Variants in PAK2 observed in about 807,000 individuals in gnomAD.
PAK2 encodes p21 (RAC1) activated kinase 2, also known as serine/threonine-protein kinase PAK 2.
A neutral mutation model predicts 65.9 loss-of-function variants in PAK2; 21 were observed. That is an observed-to-expected ratio of 0.32 (90% confidence interval 0.23 to 0.46). The LOEUF (loss-of-function observed/expected upper bound fraction) is 0.46, where lower values mean the gene tolerates loss of function less well. Ranked by LOEUF, PAK2 falls within the 20% of genes least tolerant of loss-of-function variation. The probability of loss-of-function intolerance (pLI) is 1.00; values close to 1 mark genes in which losing one functional copy is unlikely to be tolerated. For synonymous variants in PAK2, 204 were observed against 219.7 expected, an observed-to-expected ratio of 0.93 and a Z score of 0.63; for missense variants, 324 against 642.6, an observed-to-expected ratio of 0.50 and a Z score of 5.36.
At chr3:196,783,824 T>C (rs1714794207) in intron 2 of PAK2, among the ~76,000 whole-genome samples, 1 of 152,336 alleles carries the variant, frequency 6.6e-6, no homozygotes, top group East Asian at 1.9e-4. Flanking sequence ...AATGGAATTA[T>C]GCTGTCTGCA....
chr3:196,740,167 C>CA lies in PAK2; in HGVS notation c.-22+11dup, dbSNP rs1338350528. On this transcript the variant is annotated intron_variant, in intron 1 of 14. Coordinates refer to ENST00000327134, the MANE Select transcript of PAK2 (RefSeq NM_002577.4). ...CCTTGCCTTGCCCGGGGTAAGTGCA[C>CA]ACAGGCCGGCCGGCGCGGGACGCAG... is the stretch of plus-strand genomic sequence containing the variant. 4 of 152,158 alleles carry CA rather than the reference C, an allele frequency of 2.6e-5. 1 individual carries two copies. Among genetic ancestry groups the CA allele is most frequent in the Non-Finnish European group, 1.5e-5 (1 of 68,072 alleles). 9.4% of individuals were successfully genotyped at this position (152,158 alleles called of 1,614,324 possible).
chr3:196,772,654 G>C (rs1027026323), intron 1 of PAK2, among the ~76,000 whole-genome samples: 4 of 152,138 alleles, frequency 2.6e-5, no homozygotes, highest in African/African-American at 9.7e-5. Flanking sequence ...CTTCAGAGTT[G>C]TGAACCTTCT....
intron 1 of PAK2, among the ~76,000 whole-genome samples, chr3:196,751,696 A>ATATATATATATATATATAAAATTACC (rs1713603033): frequency 1.4e-5 from 1 of 72,662 alleles, no homozygotes; most frequent in Non-Finnish European, 2.5e-5. Flanking sequence ...TATATATATA[A>ATATATATATATATATATAAAATTACC]TTCAGGCTAT....
intron 1 of PAK2, among the ~76,000 whole-genome samples, chr3:196,758,638 T>TTTTTA (rs550780840): frequency 1.6e-4 from 24 of 152,214 alleles, no homozygotes; most frequent in Admixed American, 5.2e-4. Context: ...AGTGATAGTA[T>TTTTTA]TTTTATTTTA....
rs1259322940 is a variant in PAK2 at position 196,830,252 on chromosome 3, T to C, written c.*1847T>C. ...AATGAGTAAAATAATTAATGAAACATATTTAGAGCACTTAATGGTCTCTGT... is the reference window on the plus strand; with the variant it reads ...AATGAGTAAAATAATTAATGAAACACATTTAGAGCACTTAATGGTCTCTGT... On this transcript the variant is annotated 3_prime_UTR_variant, in exon 15 of 15. Coordinates refer to ENST00000327134, the MANE Select transcript of PAK2 (RefSeq NM_002577.4). 1.3e-5 allele frequency: 2 copies of C among 152,254 alleles called. No homozygotes were observed. The highest frequency in any genetic ancestry group is 2.4e-5 in the African/African-American group (1 of 41,564). 9.4% of individuals were successfully genotyped at this position (152,254 alleles called of 1,614,324 possible).
At chr3:196,772,855 T>C (rs1409721357) in intron 1 of PAK2, among the ~76,000 whole-genome samples, 1 of 152,226 alleles carries the variant, frequency 6.6e-6, no homozygotes, top group Non-Finnish European at 1.5e-5. Context: ...TGTTACTGCA[T>C]TCATAATGTA....
At chr3:196,771,849 T>G (rs927886229) in intron 1 of PAK2, among the ~76,000 whole-genome samples, 1 of 152,172 alleles carries the variant, frequency 6.6e-6, no homozygotes, top group Non-Finnish European at 1.5e-5. Flanking sequence ...TGAGCTACCA[T>G]GCCCGGCCTC....
intron 1 of PAK2, among the ~76,000 whole-genome samples, chr3:196,748,045 G>A (rs1360940274): frequency 2.6e-5 from 4 of 151,780 alleles, no homozygotes; most frequent in African/African-American, 9.7e-5. Flanking sequence ...CATTTATTTG[G>A]TTTTCTTTAA....
At chr3:196,819,390 C>T (rs779370861) in intron 12 of PAK2, among the ~76,000 whole-genome samples, 3 of 152,058 alleles carry the variant, frequency 2.0e-5, no homozygotes, top group Non-Finnish European at 2.9e-5. Flanking sequence ...TGCCGTGAGC[C>T]GAAATTGCTC....
rs190799598 is a variant in PAK2 at position 196,819,986 on chromosome 3, T to A, written c.1154-385T>A. On this transcript the variant is annotated intron_variant, in intron 12 of 14. Transcript: ENST00000327134. ...AGGGGGACTCTGTCTCTACAAAAAATTTTAAAAATTAAACAAAATTAAAAG... is the reference window on the plus strand; with the variant it reads ...AGGGGGACTCTGTCTCTACAAAAAAATTTAAAAATTAAACAAAATTAAAAG... 3.9e-5 allele frequency among the ~76,000 whole-genome samples: 6 copies of A among 152,238 alleles called. No homozygotes were observed. In the East Asian group the frequency reaches 9.7e-4, roughly 24 times the overall value.
intron 1 of PAK2, among the ~76,000 whole-genome samples, chr3:196,759,292 T>C (rs1002659519): frequency 3.0e-4 from 46 of 152,152 alleles, no homozygotes; most frequent in African/African-American, 1.1e-3. Context: ...CTCTGGCATA[T>C]TCTTCAGAGT....
chr3:196,746,703 G>T (rs1419657145), intron 1 of PAK2, among the ~76,000 whole-genome samples: 1 of 151,772 alleles, frequency 6.6e-6, no homozygotes, highest in Non-Finnish European at 1.5e-5. Flanking sequence ...CCAGCTACTC[G>T]GGAGGCTGAG....
At chr3:196,759,759 T>G (rs1359169932) in intron 1 of PAK2, among the ~76,000 whole-genome samples, 1 of 152,010 alleles carries the variant, frequency 6.6e-6, no homozygotes, top group East Asian at 1.9e-4. Flanking sequence ...ACTCCTGAGC[T>G]CGTGATCTGC....
rs1366815601 is a variant in PAK2 at position 196,744,031 on chromosome 3, A to G, written c.-22+3874A>G. On this transcript the variant is annotated intron_variant, in intron 1 of 14. Transcript: ENST00000327134. Reference sequence around the variant, plus strand: ...AATAGTTTCACCACTGAAATAAAACATAGGGTTTTTGAACACAAATTTCTC... The same window carrying G: ...AATAGTTTCACCACTGAAATAAAACGTAGGGTTTTTGAACACAAATTTCTC... 2.0e-5 allele frequency among the ~76,000 whole-genome samples: 3 copies of G among 152,326 alleles called. No individual in the cohort carries two copies. In the South Asian group the frequency reaches 6.2e-4, roughly 32 times the overall value.
Position 196,806,560 on chromosome 3 carries a change from TTG to T in PAK2, c.469-18_469-17del. On this transcript the variant is annotated splice_polypyrimidine_tract_variant and intron_variant, in intron 5 of 14. Transcript: ENST00000327134. The stretch of plus-strand genomic sequence containing the variant: ...GCCTATTGGACTTGTTTTCCTTACT[TTG>T]CTCATCATCAATGCAGCTGAATGCC... The T allele has an allele frequency of 6.8e-7, 1 of 1,470,230 alleles. No individual in the cohort carries two copies. The highest frequency in any genetic ancestry group is 2.3e-5 in the East Asian group (1 of 44,190). The allele number at this position is 1,470,230 out of a possible 1,614,324, so 91.1% of individuals were successfully genotyped here.
At chr3:196,750,872 T>TG (rs1390420895) in intron 1 of PAK2, among the ~76,000 whole-genome samples, 1 of 152,220 alleles carries the variant, frequency 6.6e-6, no homozygotes, top group Non-Finnish European at 1.5e-5. Context: ...TTTTAATTGT[T>TG]GTAAAATACA....
chr3:196,745,119 C>CTT (rs34651855), intron 1 of PAK2, among the ~76,000 whole-genome samples: 4 of 135,618 alleles, frequency 2.9e-5, no homozygotes, highest in Admixed American at 7.5e-5. Context: ...GTGTTTCAAT[C>CTT]TTTTTTTTTT....
intron 10 of PAK2, among the ~76,000 whole-genome samples, chr3:196,814,032 T>G (rs1423190743): frequency 6.6e-6 from 1 of 152,190 alleles, no homozygotes; most frequent in East Asian, 1.9e-4. Flanking sequence ...GTGTGGTGGT[T>G]AAGATAAGCC....
intron 1 of PAK2, among the ~76,000 whole-genome samples, chr3:196,766,520 A>G (rs1714174907): frequency 6.6e-6 from 1 of 152,214 alleles, no homozygotes; most frequent in African/African-American, 2.4e-5. Context: ...TATGTCGTCT[A>G]CAAAGCAAAA....
Sources: allele counts gnomAD v4.1 joint callset (sites outside exome capture counted in the v4.1 genomes callset), GRCh38; gene constraint gnomAD v4.1.1; transcripts MANE v1.5; gene names NCBI Gene and HGNC (gene_info 2026-07-23, HGNC 2026-07-21).